Variants in KLF8 observed in about 807,000 individuals in gnomAD.
The protein encoded by KLF8 is Krueppel-like factor 8.
KLF8 carries 10 observed loss-of-function variants against 18.2 expected under a neutral mutation model. The observed-to-expected ratio is 0.55, with a 90% CI of 0.34 to 0.93. KLF8 has a LOEUF of 0.93. KLF8 is among the 40% of genes least tolerant of loss of function. The probability of loss-of-function intolerance (pLI) is 0.02; values close to 1 mark genes in which losing one functional copy is unlikely to be tolerated. For missense variants in KLF8, 264 were observed against 277.9 expected (o/e 0.95, Z 0.36); for synonymous variants, 109 against 97.3 (o/e 1.12, Z -0.71).
chrX:56,158,358 C>T, the KLF8 span, among the ~76,000 whole-genome samples: 1 of 111,592 alleles, frequency 9.0e-6, no homozygotes, highest in African/African-American at 3.3e-5. Context: ...GCTTAGGATT[C>T]ACTTGGCAAC....
At chrX:56,065,705 GT>G in the KLF8 span, among the ~76,000 whole-genome samples, 4 of 111,016 alleles carry the variant, frequency 3.6e-5, no homozygotes, top group African/African-American at 9.8e-5. Flanking sequence ...ACAAAGATGG[GT>G]TTTTTTTAAA....
chrX:56,100,982 T>A, the KLF8 span, among the ~76,000 whole-genome samples: 1 of 111,723 alleles, frequency 9.0e-6, no homozygotes, highest in Admixed American at 9.5e-5. Context: ...CAAGTGTTAT[T>A]TTACATTCAG....
chrX:55,925,489 A>G, the KLF8 span, among the ~76,000 whole-genome samples: 1 of 111,200 alleles, frequency 9.0e-6, no homozygotes, highest in South Asian at 3.8e-4. Flanking sequence ...CATTTACTAC[A>G]TGCCAGGCAC....
chrX:55,940,492 A>T, the KLF8 span, among the ~76,000 whole-genome samples: 1 of 111,612 alleles, frequency 9.0e-6, no homozygotes, highest in South Asian at 3.8e-4. Flanking sequence ...CTCTTTTACC[A>T]CTCCTATTCA....
At chrX:56,122,383 A>T in the KLF8 span, among the ~76,000 whole-genome samples, 6 of 111,702 alleles carry the variant, frequency 5.4e-5, no homozygotes, top group Non-Finnish European at 1.1e-4. Context: ...CTCTGTCAAA[A>T]TGATGCTACC....
At chrX:56,100,790 G>A in the KLF8 span, among the ~76,000 whole-genome samples, 3 of 111,958 alleles carry the variant, frequency 2.7e-5, no homozygotes, top group Admixed American at 2.8e-4. Flanking sequence ...GATAAAACTT[G>A]AATGGATGAG....
the KLF8 span, among the ~76,000 whole-genome samples, chrX:56,079,205 TG>T: frequency 1.3e-4 from 14 of 111,471 alleles, no homozygotes; most frequent in Non-Finnish European, 1.3e-4. Flanking sequence ...TGTTTGCTCT[TG>T]CTTGTCTAGT....
the KLF8 span, among the ~76,000 whole-genome samples, chrX:56,064,585 T>C: frequency 8.9e-6 from 1 of 111,860 alleles, no homozygotes; most frequent in African/African-American, 3.2e-5. Flanking sequence ...TTATATATTC[T>C]TTGTTTCTTT....
At chrX:56,226,370 C>T in the KLF8 span, among the ~76,000 whole-genome samples, 1 of 112,224 alleles carries the variant, frequency 8.9e-6, no homozygotes, top group Non-Finnish European at 1.9e-5. Context: ...TTTAAATACA[C>T]TGACATGTTT....
the KLF8 span, among the ~76,000 whole-genome samples, chrX:56,187,704 C>G: frequency 5.4e-5 from 6 of 110,535 alleles, no homozygotes; most frequent in African/African-American, 2.0e-4. Context: ...CCCTGGGATG[C>G]AAGGCTGATT....
the KLF8 span, among the ~76,000 whole-genome samples, chrX:56,161,329 C>T: frequency 4.5e-5 from 5 of 111,618 alleles, no homozygotes; most frequent in Admixed American, 2.9e-4. Flanking sequence ...TGCTAAATTG[C>T]GGAAGTTCTC....
chrX:56,036,750 A>C, the KLF8 span, among the ~76,000 whole-genome samples: 1 of 111,624 alleles, frequency 9.0e-6, no homozygotes, highest in African/African-American at 3.2e-5. Flanking sequence ...GTTGCATTTA[A>C]TTTGTAGATT....
the KLF8 span, among the ~76,000 whole-genome samples, chrX:56,034,649 G>A: frequency 9.3e-6 from 1 of 106,999 alleles, no homozygotes; most frequent in Non-Finnish European, 1.9e-5. Flanking sequence ...TTTGAGTTGA[G>A]AACATTCAAT....
the KLF8 span, among the ~76,000 whole-genome samples, chrX:56,184,131 T>A: frequency 5.4e-5 from 6 of 111,641 alleles, no homozygotes; most frequent in Non-Finnish European, 9.4e-5. Context: ...AAGAAAGGGG[T>A]GACAGACGGC....
At chrX:56,048,264 T>G in the KLF8 span, among the ~76,000 whole-genome samples, 4 of 111,909 alleles carry the variant, frequency 3.6e-5, no homozygotes, top group East Asian at 2.8e-4. Context: ...AGAAGCTCTT[T>G]AGTTTAATTA....
At chrX:56,137,799 A>G in the KLF8 span, among the ~76,000 whole-genome samples, 1 of 109,619 alleles carries the variant, frequency 9.1e-6, no homozygotes, top group African/African-American at 3.3e-5. Context: ...AGAAAAAAGA[A>G]AAACAAGCAT....
chrX:56,241,412 C>G (rs755936735), intron 1 of KLF8, among the ~76,000 whole-genome samples: 14 of 111,595 alleles, frequency 1.3e-4, no homozygotes, highest in Non-Finnish European at 2.4e-4. Context: ...AGTGATCCAC[C>G]CGCCTTGGCC....
chrX:56,073,978 C>A, the KLF8 span, among the ~76,000 whole-genome samples: 1 of 111,519 alleles, frequency 9.0e-6, no homozygotes, highest in Non-Finnish European at 1.9e-5. Context: ...GAACTCTTGA[C>A]CTCAGGTGGT....
chrX:56,209,393 C>A, the KLF8 span, among the ~76,000 whole-genome samples: 2 of 111,055 alleles, frequency 1.8e-5, no homozygotes, highest in Non-Finnish European at 3.8e-5. Context: ...CCATGGGTCT[C>A]GTTTTTTCAT....
Sources: allele counts gnomAD v4.1 joint callset (sites outside exome capture counted in the v4.1 genomes callset), GRCh38; gene constraint gnomAD v4.1.1; transcripts MANE v1.5; gene names NCBI Gene and HGNC (gene_info 2026-07-23, HGNC 2026-07-21).